MFSD6: variants seen among roughly 807,000 people sequenced by gnomAD.
The protein encoded by MFSD6 is major facilitator superfamily domain containing 6.
In MFSD6, 26 loss-of-function variants were observed where a neutral mutation model predicts 56.3. That is an observed-to-expected ratio of 0.46 (90% CI 0.34 to 0.64). MFSD6 has a LOEUF of 0.64. MFSD6 is among the 30% of genes least tolerant of loss of function. The probability of loss-of-function intolerance (pLI) is 0.01; values close to 1 mark genes in which losing one functional copy is unlikely to be tolerated. For synonymous variants in MFSD6, 331 were observed against 366.9 expected (o/e 0.90, Z 1.12); for missense variants, 750 against 986.2 (o/e 0.76, Z 3.21).
At chr2:190,446,219 G>A (rs1686577832) in intron 3 of MFSD6, among the ~76,000 whole-genome samples, 2 of 152,256 alleles carry the variant, frequency 1.3e-5, no homozygotes, top group South Asian at 4.1e-4. Flanking sequence ...CTTTATCTGA[G>A]TTTTAATAAT....
In MFSD6 at chr2:190,461,794, TAC is replaced by T. The variant is rs1340518323; in HGVS notation, c.1533-7962_1533-7961del. On this transcript the variant is annotated intron_variant, in intron 3 of 7. Coordinates refer to ENST00000392328, the MANE Select transcript of MFSD6 (RefSeq NM_017694.4). This position sits in a 1 kb window ranked among gnomAD's most constrained non-coding sequence, Gnocchi z 5.5. The stretch of plus-strand genomic sequence containing the variant: ...TTCAACATATGAATTTTGGAGGGTA[TAC>T]AGACATTTAAACTGTAGTATCTACA... 6.6e-6 allele frequency among the ~76,000 whole-genome samples: 1 copy of T among 152,198 alleles called. No homozygotes were observed. The highest frequency in any genetic ancestry group is 1.5e-5 in the Non-Finnish European group (1 of 68,034).
At chr2:190,432,225 G>A (rs1345394191) in intron 2 of MFSD6, among the ~76,000 whole-genome samples, 1 of 152,188 alleles carries the variant, frequency 6.6e-6, no homozygotes, top group African/African-American at 2.4e-5. Context: ...CTAGAGAAGA[G>A]GCTTTAACTT....
At chr2:190,481,131 T>G (rs1688640649) in intron 4 of MFSD6, among the ~76,000 whole-genome samples, 1 of 152,226 alleles carries the variant, frequency 6.6e-6, no homozygotes, top group African/African-American at 2.4e-5. Context: ...ACACTGGGCG[T>G]GTAGTATAAT....
At chr2:190,428,337 T>C (rs1007982585) in intron 2 of MFSD6, among the ~76,000 whole-genome samples, 4 of 152,222 alleles carry the variant, frequency 2.6e-5, no homozygotes, top group Non-Finnish European at 5.9e-5. Flanking sequence ...ACATATCTTT[T>C]GGTTGTCATA....
At chr2:190,408,791 CT>C (rs1690427133) in intron 1 of MFSD6, among the ~76,000 whole-genome samples, 1 of 151,858 alleles carries the variant, frequency 6.6e-6, no homozygotes, top group South Asian at 2.1e-4. Context: ...GCGCCCCGTG[CT>C]GGCAGCACTT....
At chr2:190,466,704 G>A (rs926133718) in intron 3 of MFSD6, among the ~76,000 whole-genome samples, 4 of 152,200 alleles carry the variant, frequency 2.6e-5, no homozygotes, top group African/African-American at 9.7e-5. Context: ...GGCTCAGAGA[G>A]ATGAAATAAC....
Position 190,412,325 on chromosome 2 carries a change from G to A in MFSD6, c.-175-2967G>A, listed in dbSNP as rs1381679830. ...GGAATTGTAAAAGTATTTTACAGAAGAGATATTCTCACAATTTTAGGTATT... is the reference window on the plus strand; with the variant it reads ...GGAATTGTAAAAGTATTTTACAGAAAAGATATTCTCACAATTTTAGGTATT... On this transcript the variant is annotated intron_variant, in intron 1 of 7. Transcript: ENST00000392328. The surrounding 1 kb of genome is among the most constrained non-coding windows in gnomAD (Gnocchi z 4.1). The A allele has an allele frequency of 9.1e-6, 9 of 983,870 alleles. No homozygotes were observed. Among genetic ancestry groups the A allele is most frequent in the Admixed American group, 6.1e-5 (1 of 16,266 alleles). The allele number at this position is 983,870 out of a possible 1,614,324, so 60.9% of individuals were successfully genotyped here. A position where few individuals can be genotyped will look rare whatever the true frequency, so the allele number is the denominator to read the frequency against.
rs1443575041 is a variant in MFSD6, at chr2:190,485,496, T to A, written c.1631-3161T>A. On this transcript the variant is annotated intron_variant, in intron 4 of 7. Transcript: ENST00000392328. The surrounding 1 kb of genome is among the most constrained non-coding windows in gnomAD (Gnocchi z 5.1). ...TCTAATTAATTTTGAATAAATTAAT[T>A]TATTTCTTGGAATATTTTTGAGTTT... Among the ~76,000 whole-genome samples the A allele has an allele frequency of 6.6e-6, 1 of 152,172 alleles. No individual in the cohort carries two copies. Among genetic ancestry groups the A allele is most frequent in the African/African-American group, 2.4e-5 (1 of 41,442 alleles).
In MFSD6 at chr2:190,412,518, C is replaced by G. The variant is rs1690600336; in HGVS notation, c.-175-2774C>G. On this transcript the variant is annotated intron_variant, in intron 1 of 7. Transcript: ENST00000392328. This position sits in a 1 kb window ranked among gnomAD's most constrained non-coding sequence, Gnocchi z 4.1. ...GGTAAAATTTCTTCCTCAAACTCAA[C>G]TAACATGGCATTTCCTTGGGCATAG... 1 of 985,318 alleles carries G rather than the reference C, an allele frequency of 1.0e-6. No individual in the cohort carries two copies. Among genetic ancestry groups the G allele is most frequent in the Non-Finnish European group, 1.2e-6 (1 of 829,924 alleles). 61.0% of individuals were successfully genotyped at this position (985,318 alleles called of 1,614,324 possible).
At chr2:190,446,529 C>T (rs1292097673) in intron 3 of MFSD6, among the ~76,000 whole-genome samples, 6 of 152,118 alleles carry the variant, frequency 3.9e-5, no homozygotes, top group Admixed American at 1.3e-4. Context: ...TAATAACTCA[C>T]TGGGATCTGA....
chr2:190,442,063 G>A (rs973996381), intron 3 of MFSD6, among the ~76,000 whole-genome samples: 1 of 152,166 alleles, frequency 6.6e-6, no homozygotes, highest in African/African-American at 2.4e-5. Flanking sequence ...CAAAAAGATG[G>A]TAGACCTTAA....
At position 190,496,879 on chromosome 2, in the gene MFSD6, G is replaced by T. The variant is rs1689725642; in HGVS notation, c.1892-560G>T. On this transcript the variant is annotated intron_variant, in intron 6 of 7. Transcript: ENST00000392328. This position sits in a 1 kb window ranked among gnomAD's most constrained non-coding sequence, Gnocchi z 4.7. ...AGGCTATGAGGATGCAAAGGCATAA[G>T]AATGATATGATGGACTTTGGGGACT... is the stretch of plus-strand genomic sequence containing the variant. Among the ~76,000 whole-genome samples, 3 of 152,164 alleles carry T rather than the reference G, an allele frequency of 2.0e-5. No homozygotes were observed. The highest frequency in any genetic ancestry group is 7.2e-5 in the African/African-American group (3 of 41,428).
Position 190,427,288 on chromosome 2 carries a change from G to A in MFSD6, c.-53-8689G>A, listed in dbSNP as rs529515777. 2.2e-4 allele frequency among the ~76,000 whole-genome samples: 33 copies of A among 152,348 alleles called. No individual in the cohort carries two copies. In the South Asian group the frequency reaches 5.8e-3, roughly 27 times the overall value. ...TCTCTGATCCCACCTTAGTTGAGGG[G>A]TTGGGGGTTCCCCATTATAGCTTGG... On this transcript the variant is annotated intron_variant, in intron 2 of 7. Coordinates refer to ENST00000392328, the MANE Select transcript of MFSD6 (RefSeq NM_017694.4).
rs932963065 is a variant in MFSD6, at chr2:190,458,567, G to T, written c.1533-11191G>T. Reference sequence around the variant, plus strand: ...TTAGCAAACTAATACAGTCCTGTAGGCCTAGCTTCACCCCAGTTTTAGATT... The same window carrying T: ...TTAGCAAACTAATACAGTCCTGTAGTCCTAGCTTCACCCCAGTTTTAGATT... On this transcript the variant is annotated intron_variant, in intron 3 of 7. Coordinates refer to ENST00000392328, the MANE Select transcript of MFSD6 (RefSeq NM_017694.4). This position sits in a 1 kb window ranked among gnomAD's most constrained non-coding sequence, Gnocchi z 5.3. Among the ~76,000 whole-genome samples, 1 of 152,100 alleles carries T rather than the reference G, an allele frequency of 6.6e-6. No individual in the cohort carries two copies. The highest frequency in any genetic ancestry group is 1.5e-5 in the Non-Finnish European group (1 of 68,018).
Position 190,482,868 on chromosome 2 carries a change from C to CT in MFSD6, c.1631-5754dup, listed in dbSNP as rs199927176. Among the ~76,000 whole-genome samples, 110 of 48,276 alleles carry CT rather than the reference C, an allele frequency of 2.3e-3. 22 individuals are homozygous for CT. Among genetic ancestry groups the CT allele is most frequent in the African/African-American group, 9.1e-3 (100 of 11,024 alleles). The allele number at this position is 48,276 out of a possible 152,430, so 31.7% of individuals were successfully genotyped here. ...GGAGAAGAGTTATTAAGACTATCAT[C>CT]TTTTTTTTTTTTTTTTTTTTTTTTT... On this transcript the variant is annotated intron_variant, in intron 4 of 7. Coordinates refer to ENST00000392328, the MANE Select transcript of MFSD6 (RefSeq NM_017694.4).
chr2:190,410,927 G>A lies in MFSD6; in HGVS notation c.-176+2424G>A, dbSNP rs1690534128. ...AAAAATTAGCTGAGCGTGGTGGCGGGCGCCTGGAATCCCAGCTACTCAGGG... is the reference window on the plus strand; with the variant it reads ...AAAAATTAGCTGAGCGTGGTGGCGGACGCCTGGAATCCCAGCTACTCAGGG... On this transcript the variant is annotated intron_variant, in intron 1 of 7. Transcript: ENST00000392328. This position sits in a 1 kb window ranked among gnomAD's most constrained non-coding sequence, Gnocchi z 4.4. 6.6e-6 allele frequency among the ~76,000 whole-genome samples: 1 copy of A among 151,708 alleles called. No individual in the cohort carries two copies. The highest frequency in any genetic ancestry group is 2.4e-5 in the African/African-American group (1 of 41,316).
Position 190,496,702 on chromosome 2 carries a change from A to G in MFSD6, c.1892-737A>G, listed in dbSNP as rs1258679997. Among the ~76,000 whole-genome samples, 1 of 152,188 alleles carries G rather than the reference A, an allele frequency of 6.6e-6. No individual in the cohort carries two copies. Among genetic ancestry groups the G allele is most frequent in the Non-Finnish European group, 1.5e-5 (1 of 68,032 alleles). On this transcript the variant is annotated intron_variant, in intron 6 of 7. Transcript: ENST00000392328. This position sits in a 1 kb window ranked among gnomAD's most constrained non-coding sequence, Gnocchi z 4.7. ...TGTATATACACACACACACATATAC[A>G]TACATACACAATGGAATACTACTCA...
chr2:190,498,570 T>A lies in MFSD6; in HGVS notation c.2172+851T>A, dbSNP rs182691004. Among the ~76,000 whole-genome samples the A allele has an allele frequency of 5.2e-3, 797 of 152,330 alleles. 15 individuals carry two copies. The highest frequency in any genetic ancestry group is 8.1e-3 in the South Asian group (39 of 4,830). The stretch of plus-strand genomic sequence containing the variant: ...TTAACCAAATCTGGTTCTTTACTGA[T>A]AACCATATGCATGCTAGTCCATGCA... On this transcript the variant is annotated intron_variant, in intron 7 of 7. Transcript: ENST00000392328. The surrounding 1 kb of genome is among the most constrained non-coding windows in gnomAD (Gnocchi z 5.9).
At chr2:190,480,518 C>T (rs11673788) in intron 4 of MFSD6, among the ~76,000 whole-genome samples, 34,428 of 152,248 alleles carry the variant, frequency 0.23, 4,989 homozygotes, top group South Asian at 0.34. Flanking sequence ...CCTAGGATGA[C>T]ATCTTGCCAT....
Sources: allele counts gnomAD v4.1 joint callset (sites outside exome capture counted in the v4.1 genomes callset), GRCh38; gene constraint gnomAD v4.1.1; non-coding constraint Gnocchi (gnomAD v3.1); transcripts MANE v1.5; gene names NCBI Gene and HGNC (gene_info 2026-07-23, HGNC 2026-07-21).